The following QRSL1 variants were observed in gnomAD, a reference collection of about 807,000 sequenced individuals.
QRSL1 encodes glutamyl-tRNA(Gln) amidotransferase subunit A, mitochondrial.
In QRSL1, 54 loss-of-function variants were observed where a neutral mutation model predicts 61.6. The ratio of observed to expected loss-of-function variants is 0.88; its 90% CI spans 0.70 to 1.10. QRSL1 has a LOEUF of 1.10. Ranked by LOEUF, QRSL1 falls within the 50% of genes least tolerant of loss-of-function variation. QRSL1 has a pLI of 0.00. For synonymous variants in QRSL1, 228 were observed against 225.7 expected, an observed-to-expected ratio of 1.01 and a Z score of -0.09; for missense variants, 505 against 622.6, an observed-to-expected ratio of 0.81 and a Z score of 2.01.
At chr6:106,632,982 T>C (rs1172753133) in intron 1 of QRSL1, among the ~76,000 whole-genome samples, 2 of 152,228 alleles carry the variant, frequency 1.3e-5, no homozygotes, top group Admixed American at 1.3e-4. Context: ...ATTTTGATTT[T>C]GACAACTGTC....
intron 5 of QRSL1, 101 bp from the exon 6 acceptor site, chr6:106,652,108 C>T: frequency 8.4e-7 from 1 of 1,190,982 alleles, no homozygotes; most frequent in Non-Finnish European, 1.2e-6. Flanking sequence ...TTTGTGTAAT[C>T]AGAGGAAAAT....
chr6:106,637,102 C>A (rs1776935904), intron 1 of QRSL1, among the ~76,000 whole-genome samples: 1 of 152,200 alleles, frequency 6.6e-6, no homozygotes, highest in Non-Finnish European at 1.5e-5. Context: ...AGCTCCAGCC[C>A]TCTCGACCTC....
chr6:106,652,847 G>A, intron 7 of QRSL1: 1 of 1,227,708 alleles, frequency 8.1e-7, no homozygotes, highest in Non-Finnish European at 1.1e-6. Flanking sequence ...GGGCAAGATA[G>A]CAAATATTTT....
At chr6:106,649,307 G>A (rs1362696124) in intron 5 of QRSL1, 106 bp downstream of exon 5, 2 of 1,158,922 alleles carry the variant, frequency 1.7e-6, no homozygotes, top group African/African-American at 1.5e-5. Context: ...TTTCTTTCTA[G>A]TGAGCTATAT....
intron 7 of QRSL1, among the ~76,000 whole-genome samples, chr6:106,654,183 TA>T (rs923280568): frequency 6.6e-6 from 1 of 151,664 alleles, no homozygotes; most frequent in South Asian, 2.1e-4. Flanking sequence ...CCGTCTCTAC[TA>T]AAAAAAATAC....
chr6:106,666,380 G>A lies in QRSL1; in HGVS notation c.*378G>A. On this transcript the variant is annotated 3_prime_UTR_variant, in exon 11 of 11. Coordinates refer to ENST00000369046, the MANE Select transcript of QRSL1 (RefSeq NM_018292.5). Reference sequence around the variant, plus strand: ...GATTCTATATTCTAGAGAGTCAAATGGTCTTGCTCAATTCTTGTAATTAGG... The same window carrying A: ...GATTCTATATTCTAGAGAGTCAAATAGTCTTGCTCAATTCTTGTAATTAGG... The A allele has an allele frequency of 5.2e-6, 1 of 191,766 alleles. No individual in the cohort carries two copies. Among genetic ancestry groups the A allele is most frequent in the Non-Finnish European group, 1.1e-5 (1 of 91,178 alleles). The allele number at this position is 191,766 out of a possible 1,614,324, so 11.9% of individuals were successfully genotyped here.
At chr6:106,659,425 ACTGCAC>A (rs1777320288) in intron 9 of QRSL1, among the ~76,000 whole-genome samples, 1 of 151,826 alleles carries the variant, frequency 6.6e-6, no homozygotes, top group Non-Finnish European at 1.5e-5. Flanking sequence ...AGATTGTGCC[ACTGCAC>A]CCCAGCCTGG....
Position 106,652,507 on chromosome 6 carries a change from A to G in QRSL1, c.774A>G (p.Val258=), listed in dbSNP as rs781434746. 2.4e-5 allele frequency: 39 copies of G among 1,614,118 alleles called. No homozygotes were observed. The highest frequency in any genetic ancestry group is 3.1e-5 in the Non-Finnish European group (36 of 1,180,050). The part of the protein sequence containing the change: ...AGPDPRDSTT[V]HEPINKPFML... The stretch of plus-strand genomic sequence containing the variant: ...CTGACCCCAGGGACTCTACCACAGT[A>G]CATGAACCTATTAATAAACCATTCA... The change falls in exon 7 of 11, where the codon GTA becomes GTG. Residue 258 remains valine (V), a synonymous_variant. Coordinates refer to ENST00000369046, the MANE Select transcript of QRSL1 (RefSeq NM_018292.5).
At chr6:106,653,533 G>A (rs1777217320) in intron 7 of QRSL1, 1 of 152,128 alleles carries the variant, frequency 6.6e-6, no homozygotes, top group Non-Finnish European at 1.5e-5. Flanking sequence ...CTTCCATTAA[G>A]GTAATATATG....
chr6:106,642,456 C>G (rs1288687906), intron 3 of QRSL1: 2 of 637,034 alleles, frequency 3.1e-6, no homozygotes, highest in Admixed American at 3.9e-5. Flanking sequence ...AGTAATTCAC[C>G]AAAATGATGA....
chr6:106,644,928 A>T (rs1442191230), intron 4 of QRSL1, among the ~76,000 whole-genome samples: 1 of 152,222 alleles, frequency 6.6e-6, no homozygotes, highest in African/African-American at 2.4e-5. Flanking sequence ...TTTCGTATAT[A>T]GTATGAATAA....
intron 1 of QRSL1, among the ~76,000 whole-genome samples, chr6:106,637,671 G>A (rs531866269): frequency 9.2e-5 from 14 of 152,270 alleles, no homozygotes; most frequent in Admixed American, 8.5e-4. Flanking sequence ...GGCTGCCAGG[G>A]AAGACCTAGT....
chr6:106,643,385 A>G (rs538383898), intron 4 of QRSL1, among the ~76,000 whole-genome samples: 1 of 152,292 alleles, frequency 6.6e-6, no homozygotes, highest in African/African-American at 2.4e-5. Flanking sequence ...GGGTCATCTT[A>G]TTATTGAGTT....
chr6:106,652,657 G>T, intron 7 of QRSL1, 75 bp downstream of exon 7: 1 of 1,594,910 alleles, frequency 6.3e-7, no homozygotes, highest in Middle Eastern at 1.7e-4. Context: ...GAGGCGGATT[G>T]GGTGGGTTTG....
intron 7 of QRSL1, 101 bp from the exon 8 acceptor site, chr6:106,654,629 G>GAA: frequency 9.6e-7 from 1 of 1,036,618 alleles, no homozygotes; most frequent in South Asian, 1.7e-5. Flanking sequence ...CAAAGGTCCT[G>GAA]AAGTACAGAT....
In QRSL1 at chr6:106,640,912, A is replaced by G; in HGVS notation, c.274A>G (p.Met92Val). ...CATTGAGACAACATGTGCATCAAATATGCTGAAAGGTAAAGTTTAACTGAT... is the reference window on the plus strand; with the variant it reads ...CATTGAGACAACATGTGCATCAAATGTGCTGAAAGGTAAAGTTTAACTGAT... Reference protein sequence around the residue: ...SGIETTCASNMLKGYIPPYNA... With the variant: ...SGIETTCASNVLKGYIPPYNA... Residue 92 changes from methionine (M) to valine (V), a missense_variant, in exon 3 of 11, where the codon ATG (methionine) becomes GTG (valine). By Grantham distance (21) the Met-to-Val change is conservative. Transcript: ENST00000369046. 6.2e-7 allele frequency: 1 copy of G among 1,612,418 alleles called. No individual in the cohort carries two copies. Among genetic ancestry groups the G allele is most frequent in the Non-Finnish European group, 8.5e-7 (1 of 1,178,774 alleles).
chr6:106,645,453 C>T (rs1206288079), intron 4 of QRSL1, among the ~76,000 whole-genome samples: 1 of 151,518 alleles, frequency 6.6e-6, no homozygotes, highest in African/African-American at 2.4e-5. Flanking sequence ...GACAGAATCT[C>T]ACTCTGTCAC....
chr6:106,649,354 C>T (rs1332153494), intron 5 of QRSL1, among the ~76,000 whole-genome samples, 153 bp downstream of exon 5: 53 of 152,140 alleles, frequency 3.5e-4, no homozygotes. Flanking sequence ...TCTTGAGTTG[C>T]ACTCAACTGT....
intron 1 of QRSL1, among the ~76,000 whole-genome samples, chr6:106,636,597 G>A (rs1039082600): frequency 6.6e-6 from 1 of 152,118 alleles, no homozygotes; most frequent in African/African-American, 2.4e-5. Flanking sequence ...GGGATTACAG[G>A]CATGAGCCAC....
Sources: gnomAD v4.1 joint callset for allele counts (sites outside exome capture counted in the v4.1 genomes callset) on GRCh38, gnomAD v4.1.1 for gene constraint, MANE v1.5 for transcripts, NCBI Gene and HGNC (gene_info 2026-07-23, HGNC 2026-07-21) for gene names.